The following PHKA2 variants were observed in gnomAD, a reference collection of about 807,000 sequenced individuals.
PHKA2 encodes the protein phosphorylase b kinase regulatory subunit alpha, liver isoform.
A neutral mutation model predicts 102.0 loss-of-function variants in PHKA2; 31 were observed. That is an observed-to-expected ratio of 0.30 (90% confidence interval 0.23 to 0.41). The LOEUF is 0.41. Ranked by LOEUF, PHKA2 falls within the 10% of genes least tolerant of loss-of-function variation. The pLI is 1.00. For missense variants in PHKA2, 858 were observed against 1,023.1 expected (o/e 0.84, Z 2.20); for synonymous variants, 455 against 416.2 (o/e 1.09, Z -1.13).
At chrX:18,900,036 G>A (rs1569292401) in intron 28 of PHKA2, among the ~76,000 whole-genome samples, 2 of 111,339 alleles carry the variant, frequency 1.8e-5, no homozygotes, top group African/African-American at 6.6e-5. Flanking sequence ...CCGAGTGGCT[G>A]GCAAGGGAAG....
At chrX:18,953,806 G>A (rs973583498) in intron 2 of PHKA2, among the ~76,000 whole-genome samples, 2 of 110,715 alleles carry the variant, frequency 1.8e-5, no homozygotes, top group Admixed American at 9.7e-5. Context: ...GGCCAACACG[G>A]TAAAACCCTG....
chrX:18,946,247 G>A (rs1203321707), intron 5 of PHKA2, among the ~76,000 whole-genome samples: 1 of 110,949 alleles, frequency 9.0e-6, no homozygotes, highest in Non-Finnish European at 1.9e-5. Flanking sequence ...TCAAAATATA[G>A]AGATTGAGAC....
intron 1 of PHKA2, among the ~76,000 whole-genome samples, chrX:18,966,481 C>T (rs920753281): frequency 3.0e-4 from 34 of 112,018 alleles, no homozygotes; most frequent in African/African-American, 1.1e-3. Context: ...CCAAATCTCT[C>T]CCTTGTGTGA....
In PHKA2 at chrX:18,928,746, C is replaced by A. The variant is rs1455059554; in HGVS notation, c.1324+482G>T. Among the ~76,000 whole-genome samples, 9 of 112,632 alleles carry A rather than the reference C, an allele frequency of 8.0e-5. No homozygotes were observed. In the Admixed American group the frequency reaches 8.4e-4, roughly 11 times the overall value. ...CCTGAGGCACAGAAGGGTGAAATCACTTGGCTAGGCGGAGGGCAGCAGCAG... is the reference window on the plus strand; with the variant it reads ...CCTGAGGCACAGAAGGGTGAAATCAATTGGCTAGGCGGAGGGCAGCAGCAG... On this transcript the variant is annotated intron_variant, in intron 13 of 32. Transcript: ENST00000379942.
At chrX:18,939,642 C>T (rs751319061) in intron 9 of PHKA2, among the ~76,000 whole-genome samples, 4 of 111,811 alleles carry the variant, frequency 3.6e-5, no homozygotes, top group South Asian at 3.7e-4. Context: ...TACAGGTGCC[C>T]GCCACCACAC....
At chrX:18,945,323 G>C (rs777255155) in intron 5 of PHKA2, among the ~76,000 whole-genome samples, 165 bp from the exon 6 acceptor site, 1 of 111,809 alleles carries the variant, frequency 8.9e-6, no homozygotes, top group South Asian at 3.8e-4. Flanking sequence ...CAGTTCATGC[G>C]ACCTCTGTGC....
chrX:18,973,738 G>C (rs1234079518), intron 1 of PHKA2, among the ~76,000 whole-genome samples: 1 of 112,275 alleles, frequency 8.9e-6, no homozygotes, highest in East Asian at 2.8e-4. Flanking sequence ...TGGGCAAAAT[G>C]CCAGCTCTGG....
chrX:18,948,816 G>T lies in PHKA2; in HGVS notation c.465C>A (p.Ile155=), dbSNP rs1430568333. The change falls in exon 5 of 33, where the codon ATC becomes ATA. Residue 155 remains isoleucine, a synonymous_variant. Transcript: ENST00000379942. ...AGGCCACCTCATCGAGAGTGAAAATGATACGTAAGCCTAGCAAAGAAAAAC... is the reference window on the plus strand; with the variant it reads ...AGGCCACCTCATCGAGAGTGAAAATTATACGTAAGCCTAGCAAAGAAAAAC... ...LAQMTASGLR[I]IFTLDEVAFI... The T allele has an allele frequency of 8.5e-7, 1 of 1,176,647 alleles. No individual in the cohort carries two copies. The highest frequency in any genetic ancestry group is 1.8e-5 in the South Asian group (1 of 56,094).
chrX:18,901,925 C>T (rs1368291331), intron 26 of PHKA2, among the ~76,000 whole-genome samples: 1 of 110,261 alleles, frequency 9.1e-6, no homozygotes, highest in African/African-American at 3.3e-5. Context: ...TCACTGCAAC[C>T]TCCACTTCCT....
chrX:18,914,134 A>G (rs1490275727), intron 19 of PHKA2, among the ~76,000 whole-genome samples: 1 of 112,594 alleles, frequency 8.9e-6, no homozygotes, highest in Non-Finnish European at 1.9e-5. Context: ...CGCCACAAAC[A>G]TGTGAGCAGT....
At chrX:18,978,540 C>A (rs888244560) in intron 1 of PHKA2, among the ~76,000 whole-genome samples, 2 of 109,937 alleles carry the variant, frequency 1.8e-5, no homozygotes, top group Non-Finnish European at 3.8e-5. Context: ...GGTGAAACCC[C>A]GTATCTACTA....
At position 18,954,311 on chromosome X, in the gene PHKA2, G is replaced by A; in HGVS notation, c.180C>T (p.Ala60=). The A allele has an allele frequency of 1.7e-6, 2 of 1,211,578 alleles. No individual in the cohort carries two copies. Among genetic ancestry groups the A allele is most frequent in the Non-Finnish European group, 2.2e-6 (2 of 895,119 alleles). Residue 60 remains alanine, a synonymous_variant, in exon 2 of 33, where the codon GCC becomes GCT. Coordinates refer to ENST00000379942, the MANE Select transcript of PHKA2 (RefSeq NM_000292.3). ...CATCGCGGTCTGCATTCTTACGGTA[G>A]GCCATGCCCAGGCCCCACACGGCCA... ...SILAVWGLGM[A]YRKNADRDED... is the part of the protein sequence containing the mutation.
At chrX:18,900,611 T>A in intron 28 of PHKA2, 59 bp downstream of exon 28, 4 of 1,081,664 alleles carry the variant, frequency 3.7e-6, no homozygotes, top group Non-Finnish European at 5.1e-6. Flanking sequence ...AGCCTCACTT[T>A]CCACATTCAA....
intron 19 of PHKA2, among the ~76,000 whole-genome samples, chrX:18,916,658 ACT>A (rs749477419): frequency 1.2e-3 from 134 of 108,852 alleles, no homozygotes; most frequent in Non-Finnish European, 2.3e-3. Context: ...GTGTGTGACC[ACT>A]CTCTCTTGTT....
In PHKA2 at chrX:18,895,262, G is replaced by A. The variant is rs751355185; in HGVS notation, c.3283-71C>T. 116 of 936,810 alleles carry A rather than the reference G, an allele frequency of 1.2e-4. 1 individual carries two copies. In the South Asian group the frequency reaches 1.3e-3, roughly 10 times the overall value. The allele number at this position is 936,810 out of a possible 1,213,427, so 77.2% of individuals were successfully genotyped here. On this transcript the variant is annotated intron_variant, in intron 30 of 32. Coordinates refer to ENST00000379942, the MANE Select transcript of PHKA2 (RefSeq NM_000292.3). Reference sequence around the variant, plus strand: ...TAAGCACATGCATGCACACACAGGCGTGCATGCACACACAGCACCCTCTGC... The same window carrying A: ...TAAGCACATGCATGCACACACAGGCATGCATGCACACACAGCACCCTCTGC...
At chrX:18,897,462 G>C (rs973944558) in intron 29 of PHKA2, 129 bp from the exon 30 acceptor site, 8 of 560,735 alleles carry the variant, frequency 1.4e-5, no homozygotes, top group Non-Finnish European at 2.3e-5. Context: ...AGAGGAACAC[G>C]GTTCCTCCAG....
At chrX:18,921,080 G>A (rs2048109981) in intron 17 of PHKA2, among the ~76,000 whole-genome samples, 1 of 110,998 alleles carries the variant, frequency 9.0e-6, no homozygotes, top group African/African-American at 3.3e-5. Context: ...CTTTAATTGA[G>A]CACCCCCCCC....
At chrX:18,939,403 C>T (rs1394426864) in intron 9 of PHKA2, among the ~76,000 whole-genome samples, 1 of 111,064 alleles carries the variant, frequency 9.0e-6, no homozygotes, top group Non-Finnish European at 1.9e-5. Flanking sequence ...AGACTGGTCT[C>T]GAACTCCTGG....
chrX:18,900,348 A>C (rs1262950405), intron 28 of PHKA2, among the ~76,000 whole-genome samples: 1 of 111,354 alleles, frequency 9.0e-6, no homozygotes, highest in African/African-American at 3.3e-5. Context: ...TGATATAACC[A>C]ATGACCGCAT....
Sources: allele counts gnomAD v4.1 joint callset (sites outside exome capture counted in the v4.1 genomes callset), GRCh38; gene constraint gnomAD v4.1.1; transcripts MANE v1.5; gene names NCBI Gene and HGNC (gene_info 2026-07-23, HGNC 2026-07-21).